ABCB5: variants seen among roughly 807,000 people sequenced by gnomAD.
ABCB5 encodes the protein ATP-binding cassette sub-family B member 5.
A neutral mutation model predicts 144.2 loss-of-function variants in ABCB5; 155 were observed. The ratio of observed to expected loss-of-function variants is 1.08; its 90% confidence interval spans 0.94 to 1.23. The LOEUF is 1.23. Ranked by LOEUF, ABCB5 falls within the 50% of genes most tolerant of loss-of-function variation. The pLI is 0.00. For synonymous variants in ABCB5, 610 were observed against 528.6 expected (o/e 1.15, Z -2.11); for missense variants, 1,830 against 1,520.8 (o/e 1.20, Z -3.38).
chr7:20,691,582 T>TTTTTTTTA (rs141375130), intron 16 of ABCB5, among the ~76,000 whole-genome samples: 1 of 146,808 alleles, frequency 6.8e-6, no homozygotes, highest in African/African-American at 2.5e-5. Flanking sequence ...TTAAATTCAT[T>TTTTTTTTA]TTTATTTATT....
intron 20 of ABCB5, among the ~76,000 whole-genome samples, chr7:20,711,470 T>G (rs1214557376): frequency 1.3e-5 from 2 of 148,428 alleles, no homozygotes; most frequent in African/African-American, 5.0e-5. Flanking sequence ...TTCTTTCTTT[T>G]TTTTTTTTTG....
At chr7:20,661,985 G>A (rs1205207831) in intron 14 of ABCB5, among the ~76,000 whole-genome samples, 5 of 152,190 alleles carry the variant, frequency 3.3e-5, no homozygotes, top group Admixed American at 6.5e-5. Context: ...TTGACCTGGT[G>A]TGCCAATGCA....
intron 23 of ABCB5, among the ~76,000 whole-genome samples, chr7:20,737,758 A>C (rs1326413292): frequency 6.6e-6 from 1 of 152,136 alleles, no homozygotes; most frequent in Non-Finnish European, 1.5e-5. Context: ...CATTTAAAAA[A>C]AAAAACCTTC....
intron 9 of ABCB5, chr7:20,647,275 T>C (rs892288378): frequency 8.3e-7 from 1 of 1,208,564 alleles, no homozygotes; most frequent in Non-Finnish European, 1.0e-6. Flanking sequence ...ACCACAAGAC[T>C]ATGAGATAAT....
At chr7:20,692,735 AC>A (rs532240154) in intron 16 of ABCB5, among the ~76,000 whole-genome samples, 5 of 152,264 alleles carry the variant, frequency 3.3e-5, no homozygotes, top group African/African-American at 9.6e-5. Flanking sequence ...GGAAAAAGAA[AC>A]TAAAGTATTA....
chr7:20,681,781 G>T (rs1227458896), intron 15 of ABCB5, 115 bp downstream of exon 15: 5 of 1,177,758 alleles, frequency 4.2e-6, no homozygotes, highest in Non-Finnish European at 5.9e-6. Context: ...AGCAACCAAG[G>T]TTTATAGTTC....
chr7:20,710,789 A>T (rs1787001917), intron 20 of ABCB5, among the ~76,000 whole-genome samples: 1 of 150,234 alleles, frequency 6.7e-6, no homozygotes, highest in Non-Finnish European at 1.5e-5. Flanking sequence ...TATCAAAATG[A>T]TTAGGTTTAA....
chr7:20,723,951 T>C (rs10274681), intron 21 of ABCB5, among the ~76,000 whole-genome samples: 68,672 of 151,928 alleles, frequency 0.45, 17,396 homozygotes, highest in East Asian at 0.75. Context: ...CAAATAATTA[T>C]TATATTAGAG....
At chr7:20,622,223 A>G (rs914454925) in intron 1 of ABCB5, among the ~76,000 whole-genome samples, 1 of 152,154 alleles carries the variant, frequency 6.6e-6, no homozygotes, top group African/African-American at 2.4e-5. Flanking sequence ...TTCATTACAT[A>G]ATTGTTAATT....
At chr7:20,674,395 G>A (rs1235460933) in intron 14 of ABCB5, among the ~76,000 whole-genome samples, 1 of 151,766 alleles carries the variant, frequency 6.6e-6, no homozygotes, top group African/African-American at 2.4e-5. Flanking sequence ...TAGCCTGAAA[G>A]TTATAGGGTT....
At position 20,651,640 on chromosome 7, in the gene ABCB5, G is replaced by A; in HGVS notation, c.1536+17G>A. ...TTTCCTAATGTGAGTACACTGTGCA[G>A]CCTGTGTCCTTAGCTTATGGTGGCA... On this transcript the variant is annotated intron_variant, in intron 13 of 27. Coordinates refer to ENST00000404938, the MANE Select transcript of ABCB5 (RefSeq NM_001163941.2). 6.2e-7 allele frequency: 1 copy of A among 1,612,482 alleles called. No individual in the cohort carries two copies. The highest frequency in any genetic ancestry group is 2.2e-5 in the East Asian group (1 of 44,868).
At chr7:20,669,041 G>T (rs1339692682) in intron 14 of ABCB5, among the ~76,000 whole-genome samples, 9 of 137,054 alleles carry the variant, frequency 6.6e-5, no homozygotes, top group African/African-American at 2.6e-4. Context: ...CTGCCCGGCC[G>T]CCCCTACTGG....
At chr7:20,720,800 C>T (rs1247895747) in intron 20 of ABCB5, among the ~76,000 whole-genome samples, 14 of 151,618 alleles carry the variant, frequency 9.2e-5, no homozygotes, top group East Asian at 1.9e-4. Context: ...AAAAATTAGC[C>T]GGGCATGGTG....
chr7:20,643,115 G>C, intron 5 of ABCB5, 69 bp from the exon 6 acceptor site: 4 of 1,351,376 alleles, frequency 3.0e-6, no homozygotes, highest in Non-Finnish European at 4.0e-6. Context: ...TACTGTGATC[G>C]ATTTTTTATG....
chr7:20,647,478 T>G, intron 9 of ABCB5, 57 bp from the exon 10 acceptor site: 2 of 1,502,826 alleles, frequency 1.3e-6, no homozygotes, highest in Non-Finnish European at 1.8e-6. Context: ...TATTACATTC[T>G]ATTGTCTTTC....
Position 20,755,438 on chromosome 7 carries a change from T to A in ABCB5, c.3588T>A (p.His1196Gln). ...TTTCTCTCTTCCAGGTGGTTCAGCA[T>A]GCCCTTGATAAAGCCAGGACGGGAA... Reference protein sequence around the residue: ...LDNDSEKVVQHALDKARTGRT... With the variant: ...LDNDSEKVVQQALDKARTGRT... The change falls in exon 28 of 28, where the codon CAT (histidine) becomes CAA (glutamine). Residue 1196 changes from histidine to glutamine, a missense_variant. His to Gln is a conservative substitution (Grantham distance 24). Transcript: ENST00000404938. 3 of 1,614,230 alleles carry A rather than the reference T, an allele frequency of 1.9e-6. No individual in the cohort carries two copies. Among genetic ancestry groups the A allele is most frequent in the South Asian group, 1.1e-5 (1 of 91,086 alleles).
rs869158355 is a variant in ABCB5, at chr7:20,681,058, C to CTCTTTCTT, written c.1708-385_1708-378dup. On this transcript the variant is annotated intron_variant, in intron 14 of 27. Transcript: ENST00000404938. ...TCTCTTTCTTTCTTTCTCTCTCTCT[C>CTCTTTCTT]TCTTTCTTTCTTTCTTTCTTTCTTT... Among the ~76,000 whole-genome samples, 225 of 47,510 alleles carry CTCTTTCTT rather than the reference C, an allele frequency of 4.7e-3. 3 individuals carry two copies. The highest frequency in any genetic ancestry group is 0.011 in the Middle Eastern group (1 of 94). The allele number at this position is 47,510 out of a possible 152,430, so 31.2% of individuals were successfully genotyped here.
chr7:20,643,743 C>T (rs183066581), intron 7 of ABCB5, 111 bp downstream of exon 7: 1 of 1,161,464 alleles, frequency 8.6e-7, no homozygotes, highest in East Asian at 2.5e-5. Context: ...TCCCAAACTA[C>T]AAAGGGATAT....
intron 24 of ABCB5, among the ~76,000 whole-genome samples, chr7:20,739,893 GAA>G (rs1782507360): frequency 6.6e-6 from 1 of 152,094 alleles, no homozygotes; most frequent in African/African-American, 2.4e-5. Context: ...TATTAAAAGA[GAA>G]ATAATAGGTA....
Sources: gnomAD v4.1 joint callset for allele counts (sites outside exome capture counted in the v4.1 genomes callset) on GRCh38, gnomAD v4.1.1 for gene constraint, MANE v1.5 for transcripts, NCBI Gene and HGNC (gene_info 2026-07-23, HGNC 2026-07-21) for gene names.